Variants in ABLIM1 observed in about 807,000 individuals in gnomAD.
ABLIM1 encodes the protein actin binding LIM protein 1, also known as actin-binding LIM protein 1.
Under a neutral mutation model 107.0 loss-of-function variants are expected in ABLIM1, and 40 were observed. The observed-to-expected ratio is 0.37, with a 90% CI of 0.29 to 0.49. The LOEUF (loss-of-function observed/expected upper bound fraction) is 0.49, where lower values mean the gene tolerates loss of function less well. Ranked by LOEUF, ABLIM1 falls within the 20% of genes least tolerant of loss-of-function variation. The probability of loss-of-function intolerance (pLI) is 0.97; values close to 1 mark genes in which losing one functional copy is unlikely to be tolerated. For synonymous variants in ABLIM1, 357 were observed against 357.3 expected, an observed-to-expected ratio of 1.00 and a Z score of 0.01; for missense variants, 857 against 1,008.5, an observed-to-expected ratio of 0.85 and a Z score of 2.04.
At chr10:114,613,561 C>T (rs1566099477) in intron 1 of ABLIM1, 1 of 710,388 alleles carries the variant, frequency 1.4e-6, no homozygotes, top group East Asian at 6.6e-5. Flanking sequence ...GCTTTTCATT[C>T]AAGTGCTTAT....
At chr10:114,534,716 C>T (rs1472965970) in intron 6 of ABLIM1, among the ~76,000 whole-genome samples, 1 of 152,180 alleles carries the variant, frequency 6.6e-6, no homozygotes, top group Non-Finnish European at 1.5e-5. Context: ...ACTTGACCTG[C>T]CGGGTCAGTT....
chr10:114,503,771 T>C (rs2060753669), intron 6 of ABLIM1, among the ~76,000 whole-genome samples: 1 of 152,216 alleles, frequency 6.6e-6, no homozygotes, highest in African/African-American at 2.4e-5. Context: ...CTCTGTGAAG[T>C]GAATGATCTT....
chr10:114,731,646 C>G (rs887781393), intron 1 of ABLIM1, among the ~76,000 whole-genome samples: 2 of 151,730 alleles, frequency 1.3e-5, no homozygotes, highest in African/African-American at 4.8e-5. Flanking sequence ...AACCTTGGCT[C>G]ACTGCAAACT....
At chr10:114,593,767 T>A (rs574593437) in intron 2 of ABLIM1, among the ~76,000 whole-genome samples, 1 of 150,514 alleles carries the variant, frequency 6.6e-6, no homozygotes, top group African/African-American at 2.5e-5. Context: ...TGGATAATTA[T>A]CTGCCAACAA....
chr10:114,769,414 GA>G (rs879592468), upstream of ABLIM1, among the ~76,000 whole-genome samples: 329 of 47,724 alleles, frequency 6.9e-3, 1 homozygote, highest in Admixed American at 0.012. Context: ...AAGAAAGAAA[GA>G]AAAGAAGGAA....
At chr10:114,546,670 A>G (rs975139625) in intron 5 of ABLIM1, among the ~76,000 whole-genome samples, 2 of 152,226 alleles carry the variant, frequency 1.3e-5, no homozygotes, top group South Asian at 4.1e-4. Flanking sequence ...GTGGGGCCCA[A>G]GCAACCTTTT....
At chr10:114,598,918 C>T (rs568287954) in intron 2 of ABLIM1, among the ~76,000 whole-genome samples, 4 of 152,088 alleles carry the variant, frequency 2.6e-5, no homozygotes, top group South Asian at 2.1e-4. Flanking sequence ...CGTGTGCCAG[C>T]TTGCATGATA....
chr10:114,554,208 C>T (rs954307261), intron 4 of ABLIM1, among the ~76,000 whole-genome samples: 4 of 152,150 alleles, frequency 2.6e-5, no homozygotes, highest in Non-Finnish European at 4.4e-5. Context: ...TTACTCCCCA[C>T]CCCCTGTCCA....
At chr10:114,660,467 G>GAAAAGAAAAC (rs1319267670), upstream of ABLIM1, among the ~76,000 whole-genome samples, 2 of 142,208 alleles carry the variant, frequency 1.4e-5, no homozygotes, top group Non-Finnish European at 3.0e-5. Flanking sequence ...GAAAAGAAAA[G>GAAAAGAAAAC]AAATACAACT....
chr10:114,681,195 T>C (rs1164652997), intron 1 of ABLIM1, among the ~76,000 whole-genome samples: 15 of 152,062 alleles, frequency 9.9e-5, no homozygotes, highest in Admixed American at 9.2e-4. Flanking sequence ...ATATTTTTTA[T>C]TTTAATTTTT....
chr10:114,785,301 G>C, the ABLIM1 span, among the ~76,000 whole-genome samples: 2 of 152,202 alleles, frequency 1.3e-5, no homozygotes, highest in Non-Finnish European at 2.9e-5. Context: ...GTAGTACTGA[G>C]TACACTGTCA....
At chr10:114,614,769 G>A (rs2077021495) in intron 1 of ABLIM1, among the ~76,000 whole-genome samples, 2 of 152,104 alleles carry the variant, frequency 1.3e-5, no homozygotes, top group South Asian at 2.1e-4. Flanking sequence ...AAACACAAGT[G>A]TGGGCTGGGC....
chr10:114,606,524 G>A lies in ABLIM1; in HGVS notation c.245-4563C>T, dbSNP rs186655610. ...GCTGAGATTACAGGCGTAAGGCACC[G>A]CACCCAGCCCAGAGTACTCTTAGTT... On this transcript the variant is annotated intron_variant, in intron 1 of 22. Transcript: ENST00000533213. Among the ~76,000 whole-genome samples, 572 of 152,168 alleles carry A rather than the reference G, an allele frequency of 3.8e-3. 3 individuals carry two copies. The highest frequency in any genetic ancestry group is 0.013 in the African/African-American group (543 of 41,518).
At chr10:114,583,262 C>A (rs958217741) in intron 2 of ABLIM1, among the ~76,000 whole-genome samples, 1 of 150,996 alleles carries the variant, frequency 6.6e-6, no homozygotes, top group Non-Finnish European at 1.5e-5. Context: ...TGCTCAACAT[C>A]ACTAATCATC....
intron 1 of ABLIM1, among the ~76,000 whole-genome samples, chr10:114,674,153 G>T (rs2080378371): frequency 6.6e-6 from 1 of 152,014 alleles, no homozygotes. Flanking sequence ...AGCCAGGTGT[G>T]GTGGCATGCG....
chr10:114,451,472 T>A, intron 14 of ABLIM1, 152 bp downstream of exon 14: 1 of 768,764 alleles, frequency 1.3e-6, no homozygotes. Flanking sequence ...TTTTACAATA[T>A]TTACATCTTA....
upstream of ABLIM1, among the ~76,000 whole-genome samples, chr10:114,771,225 T>C (rs1408961198): frequency 1.3e-5 from 2 of 152,204 alleles, no homozygotes; most frequent in Non-Finnish European, 2.9e-5. Context: ...CAGTGGCAAA[T>C]TCCTAATAAT....
At chr10:114,601,049 T>TACACAC (rs59709817) in intron 2 of ABLIM1, among the ~76,000 whole-genome samples, 103 of 128,600 alleles carry the variant, frequency 8.0e-4, no homozygotes, top group East Asian at 1.2e-3. Flanking sequence ...CACATCTCAA[T>TACACAC]ACACACACAC....
At chr10:114,530,178 T>C (rs745805599) in intron 6 of ABLIM1, among the ~76,000 whole-genome samples, 7 of 152,280 alleles carry the variant, frequency 4.6e-5, no homozygotes, top group African/African-American at 9.6e-5. Flanking sequence ...ATGGGTGAAT[T>C]TTCTGGTATG....
Sources: allele counts gnomAD v4.1 joint callset (sites outside exome capture counted in the v4.1 genomes callset), GRCh38; gene constraint gnomAD v4.1.1; transcripts MANE v1.5; gene names NCBI Gene and HGNC (gene_info 2026-07-23, HGNC 2026-07-21).